The following CDH2 variants were observed in gnomAD, a reference collection of about 807,000 sequenced individuals.
CDH2 encodes cadherin 2.
In CDH2, 17 loss-of-function variants were observed where a neutral mutation model predicts 92.0. The ratio of observed to expected loss-of-function variants is 0.18; its 90% CI spans 0.13 to 0.28. CDH2 has a LOEUF of 0.28. Among genes scored for constraint, CDH2 ranks in the 10% least tolerant of loss-of-function variants. The pLI is 1.00. For missense variants in CDH2, 862 were observed against 1,133.1 expected (o/e 0.76, Z 3.44); for synonymous variants, 419 against 415.9 (o/e 1.01, Z -0.09).
intron 2 of CDH2, among the ~76,000 whole-genome samples, chr18:28,041,240 C>T (rs1033401750): frequency 1.3e-5 from 2 of 152,104 alleles, no homozygotes; most frequent in Non-Finnish European, 2.9e-5. Flanking sequence ...CAAACAATCA[C>T]TTTTAATTGG....
At chr18:28,029,270 T>C (rs1348293702) in intron 2 of CDH2, among the ~76,000 whole-genome samples, 1 of 152,154 alleles carries the variant, frequency 6.6e-6, no homozygotes, top group Non-Finnish European at 1.5e-5. Context: ...ACTTTTAATG[T>C]AGTAACATAA....
intron 2 of CDH2, among the ~76,000 whole-genome samples, chr18:28,078,055 C>A (rs2014758971): frequency 6.6e-6 from 1 of 152,106 alleles, no homozygotes; most frequent in South Asian, 2.1e-4. Context: ...AACTTTGTAT[C>A]AAAAGATATC....
At chr18:28,078,495 C>T (rs1035206712) in intron 2 of CDH2, among the ~76,000 whole-genome samples, 2 of 152,104 alleles carry the variant, frequency 1.3e-5, no homozygotes, top group African/African-American at 2.4e-5. Context: ...GATACTGAGG[C>T]GATGGAGGGC....
rs777374626 is a variant in CDH2, at chr18:27,985,698, G to C, written c.1805C>G (p.Ala602Gly). 6.2e-7 allele frequency: 1 copy of C among 1,613,872 alleles called. No homozygotes were observed. The highest frequency in any genetic ancestry group is 2.2e-5 in the East Asian group (1 of 44,878). ...QIYLLDINDN[A>G]PQVLPQEAET... ...TGCCTCTTGAGGTAACACTTGAGGG[G>C]CATTGTCATTAATATCAAGTAAATA... Residue 602 changes from alanine to glycine, a missense_variant, in exon 12 of 16, where the codon GCC (alanine) becomes GGC (glycine). Coordinates refer to ENST00000269141, the MANE Select transcript of CDH2 (RefSeq NM_001792.5).
intron 6 of CDH2, among the ~76,000 whole-genome samples, chr18:27,944,123 G>A (rs774537702): frequency 5.9e-5 from 9 of 151,998 alleles, no homozygotes; most frequent in Admixed American, 2.6e-4. Flanking sequence ...TGCTGACCAC[G>A]GATGTTAACA....
At chr18:28,098,895 A>G (rs2015181999) in intron 2 of CDH2, among the ~76,000 whole-genome samples, 1 of 152,142 alleles carries the variant, frequency 6.6e-6, no homozygotes, top group Admixed American at 6.5e-5. Context: ...GGGGTTACAA[A>G]TAAGTCTCAA....
chr18:27,963,138 A>C (rs2011451350), intron 15 of CDH2, among the ~76,000 whole-genome samples: 1 of 152,220 alleles, frequency 6.6e-6, no homozygotes, highest in Admixed American at 6.5e-5. Flanking sequence ...CATTTTACAA[A>C]TGCAGAATCT....
At chr18:27,939,072 T>C (rs866044715) in intron 6 of CDH2, among the ~76,000 whole-genome samples, 3 of 152,078 alleles carry the variant, frequency 2.0e-5, no homozygotes, top group Non-Finnish European at 4.4e-5. Context: ...TTCCTGTGTG[T>C]TTTTGGGAAT....
chr18:28,122,651 C>T (rs372764821), intron 2 of CDH2, among the ~76,000 whole-genome samples: 17 of 151,978 alleles, frequency 1.1e-4, no homozygotes, highest in East Asian at 1.9e-4. Context: ...CAAGTTAGCA[C>T]GAAGATTTCT....
At chr18:28,022,946 A>G (rs931539532) in intron 2 of CDH2, among the ~76,000 whole-genome samples, 4 of 152,130 alleles carry the variant, frequency 2.6e-5, no homozygotes, top group African/African-American at 7.2e-5. Context: ...TAAGCAAGCT[A>G]TCTTTTTTCA....
intron 15 of CDH2, among the ~76,000 whole-genome samples, chr18:27,961,944 A>C (rs1467765238): frequency 2.0e-5 from 3 of 151,850 alleles, no homozygotes; most frequent in Non-Finnish European, 4.4e-5. Context: ...CTCTACAAAA[A>C]CCAAAAAAAA....
intron 2 of CDH2, among the ~76,000 whole-genome samples, chr18:28,051,906 C>T (rs944788757): frequency 2.0e-5 from 3 of 152,206 alleles, no homozygotes; most frequent in East Asian, 1.9e-4. Context: ...AAACTCATAC[C>T]AATCATCCAG....
intron 7 of CDH2, among the ~76,000 whole-genome samples, chr18:27,996,819 A>C (rs2012598524): frequency 1.3e-5 from 2 of 152,164 alleles, no homozygotes; most frequent in South Asian, 4.1e-4. Context: ...GTTTTGCATG[A>C]TCTTATCTCA....
chr18:28,148,693 G>A (rs2016075790), intron 1 of CDH2, among the ~76,000 whole-genome samples: 2 of 152,148 alleles, frequency 1.3e-5, no homozygotes, highest in African/African-American at 4.8e-5. Flanking sequence ...TGGCCATAGG[G>A]ACAGCATTAG....
At chr18:27,947,773 A>ATAAGTATG (rs71171656), downstream of CDH2, among the ~76,000 whole-genome samples, 7 of 150,752 alleles carry the variant, frequency 4.6e-5, no homozygotes, top group East Asian at 3.9e-4. Flanking sequence ...TATATGTGAT[A>ATAAGTATG]TAAGTATATG....
At chr18:28,144,519 C>T (rs754602818) in intron 2 of CDH2, among the ~76,000 whole-genome samples, 56 of 152,008 alleles carry the variant, frequency 3.7e-4, no homozygotes, top group Non-Finnish European at 6.2e-4. Context: ...TCTACATTCC[C>T]TTTGACCTAG....
intron 2 of CDH2, among the ~76,000 whole-genome samples, chr18:28,023,583 C>T (rs375031085): frequency 5.3e-5 from 8 of 152,052 alleles, no homozygotes; most frequent in Admixed American, 4.6e-4. Flanking sequence ...CCTTGGCCTC[C>T]CAAAGTGTTG....
intron 4 of CDH2, among the ~76,000 whole-genome samples, chr18:28,011,281 T>C (rs1395763412): frequency 2.0e-5 from 3 of 152,006 alleles, no homozygotes; most frequent in African/African-American, 7.2e-5. Flanking sequence ...TGATGGTATG[T>C]ATCTAGAGTA....
intron 2 of CDH2, among the ~76,000 whole-genome samples, chr18:28,107,747 A>G (rs1428754117): frequency 6.6e-6 from 1 of 152,160 alleles, no homozygotes; most frequent in Non-Finnish European, 1.5e-5. Context: ...TCCTTTGGGG[A>G]CAAAAAAGTG....
Sources: gnomAD v4.1 joint callset for allele counts (sites outside exome capture counted in the v4.1 genomes callset) on GRCh38, gnomAD v4.1.1 for gene constraint, MANE v1.5 for transcripts, NCBI Gene and HGNC (gene_info 2026-07-23, HGNC 2026-07-21) for gene names.